Variants in CNTNAP2 observed in about 807,000 individuals in gnomAD.
CNTNAP2 encodes the protein contactin-associated protein-like 2.
In CNTNAP2, 98 loss-of-function variants were observed where a neutral mutation model predicts 155.2. The observed-to-expected ratio is 0.63, with a 90% CI of 0.54 to 0.75. The LOEUF is 0.75. CNTNAP2 is among the 30% of genes least tolerant of loss of function. The pLI is 0.00. For synonymous variants in CNTNAP2, 651 were observed against 631.2 expected, an observed-to-expected ratio of 1.03 and a Z score of -0.47; for missense variants, 1,727 against 1,688.1, an observed-to-expected ratio of 1.02 and a Z score of -0.40.
At chr7:148,008,936 T>G (rs1006904538) in intron 15 of CNTNAP2, among the ~76,000 whole-genome samples, 7 of 152,160 alleles carry the variant, frequency 4.6e-5, no homozygotes, top group Admixed American at 1.3e-4. Context: ...AACCACATGC[T>G]TTGCTGTGTG....
At chr7:147,787,287 G>A (rs1215441596) in intron 13 of CNTNAP2, among the ~76,000 whole-genome samples, 11 of 152,168 alleles carry the variant, frequency 7.2e-5, no homozygotes, top group Admixed American at 2.6e-4. Flanking sequence ...AGGCAATTTG[G>A]TATGATGTGG....
intron 1 of CNTNAP2, among the ~76,000 whole-genome samples, chr7:146,389,265 C>T (rs1052691527): frequency 1.5e-4 from 22 of 150,336 alleles, no homozygotes; most frequent in African/African-American, 5.4e-4. Context: ...AATTTTATTC[C>T]CTATATAAAC....
chr7:147,218,261 C>A (rs1803317940), intron 8 of CNTNAP2, among the ~76,000 whole-genome samples: 2 of 151,760 alleles, frequency 1.3e-5, no homozygotes, highest in Admixed American at 6.6e-5. Flanking sequence ...TCTTTTCTAA[C>A]AGATGCTTTC....
chr7:147,574,810 G>A (rs939396896), intron 12 of CNTNAP2, among the ~76,000 whole-genome samples: 6 of 151,992 alleles, frequency 3.9e-5, no homozygotes, highest in African/African-American at 7.2e-5. Context: ...GATTCTTTTA[G>A]AAAATAAACC....
chr7:148,385,955 C>A (rs1294568056), intron 22 of CNTNAP2, among the ~76,000 whole-genome samples: 1 of 152,062 alleles, frequency 6.6e-6, no homozygotes, highest in Non-Finnish European at 1.5e-5. Flanking sequence ...TCTTGGACTC[C>A]TAACCTCAGG....
intron 1 of CNTNAP2, among the ~76,000 whole-genome samples, chr7:146,129,874 C>T (rs756307600): frequency 2.0e-5 from 3 of 151,852 alleles, no homozygotes; most frequent in Non-Finnish European, 4.4e-5. Context: ...CCAATTAGTC[C>T]ACAGGTAAGG....
intron 10 of CNTNAP2, among the ~76,000 whole-genome samples, chr7:147,469,105 G>A (rs1398663140): frequency 2.0e-5 from 3 of 152,062 alleles, no homozygotes; most frequent in Non-Finnish European, 2.9e-5. Context: ...TTACAGGCAT[G>A]AGCTGCCGTG....
chr7:146,647,458 A>G (rs1427627163), intron 1 of CNTNAP2, among the ~76,000 whole-genome samples: 1 of 152,184 alleles, frequency 6.6e-6, no homozygotes, highest in Non-Finnish European at 1.5e-5. Flanking sequence ...AACATAATAT[A>G]ATATTCAAAC....
chr7:147,677,696 A>G (rs1361922858), intron 13 of CNTNAP2, among the ~76,000 whole-genome samples: 1 of 151,748 alleles, frequency 6.6e-6, no homozygotes, highest in Non-Finnish European at 1.5e-5. Flanking sequence ...ATTTTTATAT[A>G]TGGTGTGAGA....
At chr7:146,234,866 A>C (rs802576) in intron 1 of CNTNAP2, among the ~76,000 whole-genome samples, 1 of 152,172 alleles carries the variant, frequency 6.6e-6, no homozygotes, top group Non-Finnish European at 1.5e-5. Flanking sequence ...GCATTTTAGC[A>C]TATGAGTTGG....
chr7:147,191,435 C>A (rs1025575197), intron 8 of CNTNAP2, among the ~76,000 whole-genome samples: 5 of 152,124 alleles, frequency 3.3e-5, no homozygotes, highest in African/African-American at 1.2e-4. Flanking sequence ...ATGGGCTTTA[C>A]AGGCTGTGCT....
intron 1 of CNTNAP2, among the ~76,000 whole-genome samples, chr7:146,373,129 T>C (rs774191890): frequency 1.5e-4 from 23 of 152,148 alleles, no homozygotes; most frequent in Admixed American, 4.6e-4. Context: ...AAAATCCTTC[T>C]CAGGGCAAAT....
At chr7:148,205,535 C>T (rs1202923720) in intron 18 of CNTNAP2, among the ~76,000 whole-genome samples, 2 of 152,168 alleles carry the variant, frequency 1.3e-5, no homozygotes, top group African/African-American at 2.4e-5. Context: ...AAATTAAGAG[C>T]ATTCGTTAAG....
Position 147,565,410 on chromosome 7 carries a change from C to T in CNTNAP2, c.1897+3153C>T, listed in dbSNP as rs1259456402. 1.2e-4 allele frequency among the ~76,000 whole-genome samples: 19 copies of T among 152,028 alleles called. No homozygotes were observed. The East Asian group carries it at 2.5e-3, about 20-fold the overall frequency. ...TTATTTTTCAATTGCAGTGGGTGGT[C>T]GTCTATGGAAAGATTTTAAGCAGGA... On this transcript the variant is annotated intron_variant, in intron 12 of 23. Coordinates refer to ENST00000361727, the MANE Select transcript of CNTNAP2 (RefSeq NM_014141.6).
At chr7:146,308,939 C>A (rs1043338924) in intron 1 of CNTNAP2, among the ~76,000 whole-genome samples, 1 of 152,002 alleles carries the variant, frequency 6.6e-6, no homozygotes, top group African/African-American at 2.4e-5. Context: ...AACAAACCTG[C>A]ATGTTGTGCA....
At position 148,211,303 on chromosome 7, in the gene CNTNAP2, T is replaced by C. The variant is rs184979261; in HGVS notation, c.3011-5985T>C. Among the ~76,000 whole-genome samples the C allele has an allele frequency of 5.1e-3, 774 of 152,150 alleles. 8 individuals are homozygous for C. The highest frequency in any genetic ancestry group is 0.018 in the African/African-American group (739 of 41,502). ...AGAATCCAGGATATCTGGGAAGAGGTAGGAGAGCGCATTGGGCGACAGAAA... is the reference window on the plus strand; with the variant it reads ...AGAATCCAGGATATCTGGGAAGAGGCAGGAGAGCGCATTGGGCGACAGAAA... On this transcript the variant is annotated intron_variant, in intron 18 of 23. Coordinates refer to ENST00000361727, the MANE Select transcript of CNTNAP2 (RefSeq NM_014141.6).
chr7:146,863,616 G>A (rs1795146405), intron 3 of CNTNAP2, among the ~76,000 whole-genome samples: 1 of 151,218 alleles, frequency 6.6e-6, no homozygotes, highest in African/African-American at 2.5e-5. Context: ...TATAATACTT[G>A]TAATCCTAAT....
chr7:147,507,573 T>G (rs1248698545), intron 11 of CNTNAP2, among the ~76,000 whole-genome samples: 1 of 92,592 alleles, frequency 1.1e-5, no homozygotes, highest in Non-Finnish European at 2.3e-5. Context: ...TTTTTTTTTT[T>G]TTGGAGTCTC....
intron 2 of CNTNAP2, among the ~76,000 whole-genome samples, chr7:146,829,665 T>G (rs1400713328): frequency 6.6e-6 from 1 of 152,098 alleles, no homozygotes; most frequent in Non-Finnish European, 1.5e-5. Flanking sequence ...TTAGAATGTG[T>G]GATGTTATTG....
Sources: gnomAD v4.1 joint callset for allele counts (sites outside exome capture counted in the v4.1 genomes callset) on GRCh38, gnomAD v4.1.1 for gene constraint, MANE v1.5 for transcripts, NCBI Gene and HGNC (gene_info 2026-07-23, HGNC 2026-07-21) for gene names.